Variants in CNTN1 observed in about 807,000 individuals in gnomAD.
The protein encoded by CNTN1 is contactin 1, also known as contactin-1.
In CNTN1, 38 loss-of-function variants were observed where a neutral mutation model predicts 126.4. The ratio of observed to expected loss-of-function variants is 0.30; its 90% CI spans 0.23 to 0.39. CNTN1 has a LOEUF of 0.39. Among genes scored for constraint, CNTN1 ranks in the 10% least tolerant of loss-of-function variants. The pLI is 1.00. For missense variants in CNTN1, 1,009 were observed against 1,248.4 expected (o/e 0.81, Z 2.89); for synonymous variants, 413 against 422.6 (o/e 0.98, Z 0.28).
rs1566234168 is a variant in CNTN1, at chr12:41,056,944, T to TA, written c.2981-13013dup. 5.6e-3 allele frequency among the ~76,000 whole-genome samples: 507 copies of TA among 89,960 alleles called. 27 individuals are homozygous for TA. The highest frequency in any genetic ancestry group is 0.016 in the African/African-American group (283 of 18,016). The allele number at this position is 89,960 out of a possible 152,430, so 59.0% of individuals were successfully genotyped here. A position where few individuals can be genotyped will look rare whatever the true frequency, so the allele number is the denominator to read the frequency against. The stretch of plus-strand genomic sequence containing the variant: ...ATATTTAGATATTTATAAATATTTA[T>TA]AATATTTAGATATTTATAAATATTA... On this transcript the variant is annotated intron_variant, in intron 23 of 23. Transcript: ENST00000551295.
chr12:41,062,274 G>C (rs1447219146), intron 23 of CNTN1, among the ~76,000 whole-genome samples: 1 of 152,144 alleles, frequency 6.6e-6, no homozygotes, highest in Non-Finnish European at 1.5e-5. Context: ...TTTCTAAAAA[G>C]ACACCTCCTT....
intron 1 of CNTN1, among the ~76,000 whole-genome samples, chr12:40,901,558 T>C (rs1490644042): frequency 1.3e-5 from 2 of 152,234 alleles, no homozygotes; most frequent in Admixed American, 6.5e-5. Context: ...TTTGATACTC[T>C]GGGGATGTTA....
chr12:40,810,329 C>T (rs1028176385), intron 1 of CNTN1, among the ~76,000 whole-genome samples: 1 of 152,100 alleles, frequency 6.6e-6, no homozygotes, highest in Non-Finnish European at 1.5e-5. Context: ...AAATGATTTC[C>T]ACAATAAAGT....
At chr12:40,870,693 G>A (rs1198935598) in intron 1 of CNTN1, among the ~76,000 whole-genome samples, 1 of 152,040 alleles carries the variant, frequency 6.6e-6, no homozygotes, top group Non-Finnish European at 1.5e-5. Flanking sequence ...ATGAGATATT[G>A]TTGCTGATCT....
chr12:40,712,302 T>A (rs535948976), intron 1 of CNTN1, among the ~76,000 whole-genome samples: 1 of 152,304 alleles, frequency 6.6e-6, no homozygotes, highest in South Asian at 2.1e-4. Flanking sequence ...CCTACTGTGA[T>A]AGAGCATACT....
intron 1 of CNTN1, among the ~76,000 whole-genome samples, chr12:40,708,174 A>G (rs889965999): frequency 6.6e-6 from 1 of 152,192 alleles, no homozygotes; most frequent in East Asian, 1.9e-4. Context: ...AAGACTCTCT[A>G]TTAACATTTC....
chr12:40,908,392 T>C lies in CNTN1; in HGVS notation c.-41T>C. ...TTATCCAACTGCCATAGAGCTAAATTCTTTTTTGGAAAATTGAACCGAACT... is the reference window on the plus strand; with the variant it reads ...TTATCCAACTGCCATAGAGCTAAATCCTTTTTTGGAAAATTGAACCGAACT... On this transcript the variant is annotated 5_prime_UTR_variant, in exon 2 of 24. Transcript: ENST00000551295. The C allele has an allele frequency of 6.4e-7, 1 of 1,562,928 alleles. No homozygotes were observed. Among genetic ancestry groups the C allele is most frequent in the East Asian group, 2.2e-5 (1 of 44,520 alleles).
chr12:40,841,729 C>T (rs189100038), intron 1 of CNTN1, among the ~76,000 whole-genome samples: 1 of 152,086 alleles, frequency 6.6e-6, no homozygotes, highest in African/African-American at 2.4e-5. Flanking sequence ...TTTAATATCC[C>T]TTTATGACAA....
At chr12:40,724,137 GA>G (rs1328297581) in intron 1 of CNTN1, among the ~76,000 whole-genome samples, 1 of 151,948 alleles carries the variant, frequency 6.6e-6, no homozygotes, top group Non-Finnish European at 1.5e-5. Context: ...AGACAAATTA[GA>G]ACATTTTTGA....
rs74482536 is a variant in CNTN1 at position 40,813,172 on chromosome 12, T to C, written c.-76-95185T>C. Among the ~76,000 whole-genome samples, 93 of 150,942 alleles carry C rather than the reference T, an allele frequency of 6.2e-4. 1 individual carries two copies. The East Asian group carries it at 0.013, about 22-fold the overall frequency. ...CTGCCTTCCCCTCCTTTCTTTTCATTTTTTGCTGTCTCCATTTTTGACACA... is the reference window on the plus strand; with the variant it reads ...CTGCCTTCCCCTCCTTTCTTTTCATCTTTTGCTGTCTCCATTTTTGACACA... On this transcript the variant is annotated intron_variant, in intron 1 of 23. Coordinates refer to ENST00000551295, the MANE Select transcript of CNTN1 (RefSeq NM_001843.4).
At chr12:40,729,629 G>T in intron 1 of CNTN1, 2 of 224,034 alleles carry the variant, frequency 8.9e-6, no homozygotes, top group South Asian at 1.6e-4. Context: ...AAGCTATTGC[G>T]AGCATGGAGT....
chr12:41,026,783 T>G (rs1949046390), intron 21 of CNTN1, among the ~76,000 whole-genome samples: 1 of 152,148 alleles, frequency 6.6e-6, no homozygotes, highest in Non-Finnish European at 1.5e-5. Flanking sequence ...TATGATGTTG[T>G]TTTTAAAAAA....
intron 1 of CNTN1, among the ~76,000 whole-genome samples, chr12:40,706,794 C>T (rs1306879726): frequency 6.6e-6 from 1 of 152,120 alleles, no homozygotes; most frequent in African/African-American, 2.4e-5. Context: ...CATTATAAGG[C>T]ACTGGCTGTT....
rs1364279705 is a variant in CNTN1, at chr12:40,908,200, G to A, written c.-76-157G>A. Among the ~76,000 whole-genome samples the A allele has an allele frequency of 6.6e-5, 10 of 152,108 alleles. 1 individual carries two copies. The highest frequency in any genetic ancestry group is 1.5e-4 in the Non-Finnish European group (10 of 67,972). On this transcript the variant is annotated intron_variant, in intron 1 of 23. Coordinates refer to ENST00000551295, the MANE Select transcript of CNTN1 (RefSeq NM_001843.4). ...ATAAATGAAAACTTATTCTACAAAC[G>A]AAAAGCATAAAGTCACATAGGTTAA...
In CNTN1 at chr12:40,838,290, C is replaced by A. The variant is rs540215184; in HGVS notation, c.-76-70067C>A. On this transcript the variant is annotated intron_variant, in intron 1 of 23. Transcript: ENST00000551295. ...GCCATCTGTGAGCCTGGAAATGGGC[C>A]CGCCTAGCCCATTGCTGCTACCACC... Among the ~76,000 whole-genome samples, 7 of 152,164 alleles carry A rather than the reference C, an allele frequency of 4.6e-5. No homozygotes were observed. In the South Asian group the frequency reaches 1.5e-3, roughly 32 times the overall value.
rs188872080 is a variant in CNTN1 at position 41,033,159 on chromosome 12, T to C, written c.2980+3940T>C. 5.7e-3 allele frequency among the ~76,000 whole-genome samples: 862 copies of C among 152,338 alleles called. 23 individuals carry two copies. Among genetic ancestry groups the C allele is most frequent in the Admixed American group, 8.5e-3 (130 of 15,300 alleles). On this transcript the variant is annotated intron_variant, in intron 23 of 23. Coordinates refer to ENST00000551295, the MANE Select transcript of CNTN1 (RefSeq NM_001843.4). The stretch of plus-strand genomic sequence containing the variant: ...ATCTGTAACTGCACTTCTATCTGAC[T>C]TGAACACTGTTATCCATTGCTTTAA...
chr12:40,869,416 A>G (rs1943412866), intron 1 of CNTN1, among the ~76,000 whole-genome samples: 1 of 151,674 alleles, frequency 6.6e-6, no homozygotes, highest in African/African-American at 2.4e-5. Context: ...CTACAGGTGT[A>G]TGCCACCATG....
chr12:41,024,308 T>C (rs1291559688), intron 20 of CNTN1, among the ~76,000 whole-genome samples: 1 of 152,142 alleles, frequency 6.6e-6, no homozygotes, highest in Non-Finnish European at 1.5e-5. Flanking sequence ...AATATCAGGA[T>C]AGTTACAAAT....
chr12:40,931,607 TTTATTTAGC>T (rs1344338202), intron 7 of CNTN1, among the ~76,000 whole-genome samples: 4 of 152,096 alleles, frequency 2.6e-5, no homozygotes, highest in Admixed American at 2.6e-4. Flanking sequence ...AAACCTTCCT[TTTATTTAGC>T]TTATTTAGCA....
Sources: allele counts gnomAD v4.1 joint callset (sites outside exome capture counted in the v4.1 genomes callset), GRCh38; gene constraint gnomAD v4.1.1; transcripts MANE v1.5; gene names NCBI Gene and HGNC (gene_info 2026-07-23, HGNC 2026-07-21).